STT3B: variants seen among roughly 807,000 people sequenced by gnomAD.
STT3B encodes the protein dolichyl-diphosphooligosaccharide--protein glycosyltransferase subunit STT3B.
STT3B carries 29 observed loss-of-function variants against 96.8 expected under a neutral mutation model. The ratio of observed to expected loss-of-function variants is 0.30; its 90% CI spans 0.22 to 0.41. The LOEUF (loss-of-function observed/expected upper bound fraction) is 0.41. Among genes scored for constraint, STT3B ranks in the 10% least tolerant of loss-of-function variants. STT3B has a pLI of 1.00. For missense variants in STT3B, 640 were observed against 1,022.3 expected (o/e 0.63, Z 5.10); for synonymous variants, 367 against 360.0 (o/e 1.02, Z -0.22).
At chr3:31,571,920 TTATA>T (rs1698148770) in intron 1 of STT3B, among the ~76,000 whole-genome samples, 1 of 96,850 alleles carries the variant, frequency 1.0e-5, no homozygotes, top group Non-Finnish European at 2.5e-5. Flanking sequence ...CTTTTTGAGA[TTATA>T]TATCATATAT....
chr3:31,544,218 C>T (rs757337761), intron 1 of STT3B, among the ~76,000 whole-genome samples: 25 of 152,134 alleles, frequency 1.6e-4, no homozygotes, highest in Non-Finnish European at 3.1e-4. Flanking sequence ...AATTAAGCAA[C>T]ACTTTAGGAA....
intron 1 of STT3B, among the ~76,000 whole-genome samples, chr3:31,559,164 TG>T: frequency 6.7e-6 from 1 of 148,326 alleles, no homozygotes; most frequent in Non-Finnish European, 1.5e-5. Context: ...TGTGTGTGTG[TG>T]TGTGTGTGTG....
At chr3:31,625,626 G>T (rs528526335) in intron 12 of STT3B, among the ~76,000 whole-genome samples, 3 of 152,322 alleles carry the variant, frequency 2.0e-5, no homozygotes, top group African/African-American at 7.2e-5. Flanking sequence ...GTGCTAGCAA[G>T]ATCACTGGCC....
At chr3:31,579,500 A>AAAAAAAAAAAAAG (rs1462518848) in intron 2 of STT3B, among the ~76,000 whole-genome samples, 1 of 150,292 alleles carries the variant, frequency 6.7e-6, no homozygotes, top group African/African-American at 2.4e-5. Context: ...AAAAAAAAAA[A>AAAAAAAAAAAAAG]AAAAGTTAGT....
intron 14 of STT3B, among the ~76,000 whole-genome samples, chr3:31,631,779 C>G (rs1699669042): frequency 6.7e-6 from 1 of 150,174 alleles, no homozygotes; most frequent in Admixed American, 6.6e-5. Context: ...AACCCAGTCT[C>G]TGTTTAAAAA....
chr3:31,548,496 T>C (rs1697470956), intron 1 of STT3B, among the ~76,000 whole-genome samples: 1 of 152,012 alleles, frequency 6.6e-6, no homozygotes, highest in Non-Finnish European at 1.5e-5. Flanking sequence ...TAAAATAGAG[T>C]ATACCAAACA....
intron 1 of STT3B, 96 bp downstream of exon 1, chr3:31,533,408 C>A (rs959448477): frequency 1.9e-5 from 24 of 1,284,992 alleles, no homozygotes; most frequent in East Asian, 6.8e-5. Flanking sequence ...GGCCCCGCGC[C>A]GCCGCGGAGC....
At chr3:31,601,809 C>A (rs1044998736) in intron 5 of STT3B, among the ~76,000 whole-genome samples, 2 of 152,266 alleles carry the variant, frequency 1.3e-5, no homozygotes, top group Non-Finnish European at 2.9e-5. Context: ...TAGTATATTA[C>A]ATTTATAGCC....
intron 3 of STT3B, among the ~76,000 whole-genome samples, chr3:31,580,722 C>T (rs892304912): frequency 6.6e-6 from 1 of 151,918 alleles, no homozygotes; most frequent in Non-Finnish European, 1.5e-5. Flanking sequence ...TTCAAAACTA[C>T]TTGGCTAATG....
intron 13 of STT3B, among the ~76,000 whole-genome samples, chr3:31,628,505 T>C (rs537893885): frequency 1.2e-4 from 18 of 152,330 alleles, no homozygotes; most frequent in African/African-American, 4.1e-4. Flanking sequence ...GCATTCATTA[T>C]TTTGGCCATA....
At chr3:31,586,949 A>G (rs1209398992) in intron 3 of STT3B, among the ~76,000 whole-genome samples, 2 of 152,130 alleles carry the variant, frequency 1.3e-5, no homozygotes, top group African/African-American at 4.8e-5. Flanking sequence ...TGTATAGGTC[A>G]GTTTGGAATA....
At chr3:31,579,764 G>A in intron 2 of STT3B, 45 bp from the exon 3 acceptor site, 1 of 1,449,658 alleles carries the variant, frequency 6.9e-7, no homozygotes, top group Non-Finnish European at 9.4e-7. Context: ...ATATTTTTGT[G>A]TCTCATTTTA....
chr3:31,564,431 G>A (rs947224501), intron 1 of STT3B, among the ~76,000 whole-genome samples: 1 of 152,168 alleles, frequency 6.6e-6, no homozygotes, highest in Non-Finnish European at 1.5e-5. Flanking sequence ...GCTTTGACTT[G>A]TCTAACCTTG....
chr3:31,567,166 C>T (rs1698025954), intron 1 of STT3B, among the ~76,000 whole-genome samples: 1 of 152,174 alleles, frequency 6.6e-6, no homozygotes, highest in Non-Finnish European at 1.5e-5. Context: ...TGTTTCTCAA[C>T]TCAGAGCAAA....
chr3:31,615,579 A>C (rs1372905964), intron 6 of STT3B, among the ~76,000 whole-genome samples: 1 of 151,880 alleles, frequency 6.6e-6, no homozygotes, highest in Non-Finnish European at 1.5e-5. Flanking sequence ...TAGCACTTTA[A>C]AATTTATGAA....
chr3:31,625,118 C>A (rs116207806), intron 12 of STT3B, 33 bp downstream of exon 12: 108 of 1,582,348 alleles, frequency 6.8e-5, no homozygotes, highest in Non-Finnish European at 8.9e-5. Flanking sequence ...GTTAAAAAAT[C>A]TTTATTCACT....
At chr3:31,559,343 C>A (rs1239050882) in intron 1 of STT3B, among the ~76,000 whole-genome samples, 1 of 112,916 alleles carries the variant, frequency 8.9e-6, no homozygotes, top group Non-Finnish European at 1.7e-5. Context: ...TTGTTTATTG[C>A]TATAAACTTA....
intron 1 of STT3B, among the ~76,000 whole-genome samples, chr3:31,559,149 GTGTGTGTGTGT>G (rs1697798567): frequency 7.5e-5 from 2 of 26,616 alleles, no homozygotes; most frequent in East Asian, 1.4e-3. Flanking sequence ...TTCTTGGGGT[GTGTGTGTGTGT>G]GTGTGTGTGT....
At chr3:31,565,061 C>T (rs1294269367) in intron 1 of STT3B, among the ~76,000 whole-genome samples, 2 of 152,190 alleles carry the variant, frequency 1.3e-5, no homozygotes, top group African/African-American at 4.8e-5. Flanking sequence ...TTCTTTCCTT[C>T]CTTGCATTCT....
Sources: allele counts gnomAD v4.1 joint callset (sites outside exome capture counted in the v4.1 genomes callset), GRCh38; gene constraint gnomAD v4.1.1; transcripts MANE v1.5; gene names NCBI Gene and HGNC (gene_info 2026-07-23, HGNC 2026-07-21).